TDRD3: variants seen among roughly 807,000 people sequenced by gnomAD.
The protein encoded by TDRD3 is tudor domain-containing protein 3.
Under a neutral mutation model 86.7 loss-of-function variants are expected in TDRD3, and 45 were observed. That is an observed-to-expected ratio of 0.52 (90% CI 0.41 to 0.67). The LOEUF (loss-of-function observed/expected upper bound fraction) is 0.67. Among genes scored for constraint, TDRD3 ranks in the 30% least tolerant of loss-of-function variants. The pLI is 0.00. For synonymous variants in TDRD3, 298 were observed against 301.7 expected (o/e 0.99, Z 0.13); for missense variants, 814 against 889.0 (o/e 0.92, Z 1.07).
At chr13:60,429,853 T>C (rs1411572368) in intron 1 of TDRD3, among the ~76,000 whole-genome samples, 1 of 152,162 alleles carries the variant, frequency 6.6e-6, no homozygotes, top group African/African-American at 2.4e-5. Context: ...TCTTTCTCAT[T>C]AGAATCCAGA....
At chr13:60,537,745 G>C (rs1489056704) in intron 12 of TDRD3, 2 of 151,992 alleles carry the variant, frequency 1.3e-5, no homozygotes, top group African/African-American at 4.8e-5. Flanking sequence ...TTTTTAACTT[G>C]TGCACTATAT....
chr13:60,430,489 A>T (rs17791760), intron 1 of TDRD3, among the ~76,000 whole-genome samples: 1 of 152,040 alleles, frequency 6.6e-6, no homozygotes, highest in Non-Finnish European at 1.5e-5. Flanking sequence ...ATTAAAAAGT[A>T]ACCCCAGTTC....
chr13:60,504,769 T>C lies in TDRD3; in HGVS notation c.859-4994T>C, dbSNP rs559847101. 1.1e-3 allele frequency among the ~76,000 whole-genome samples: 174 copies of C among 152,212 alleles called. 1 individual carries two copies. Among genetic ancestry groups the C allele is most frequent in the Non-Finnish European group, 1.4e-3 (97 of 68,006 alleles). On this transcript the variant is annotated intron_variant, in intron 8 of 13. Transcript: ENST00000377881. ...CATCTCATTGGAACTGGTTAGACAG[T>C]GTGTGCAGCCCATGGAGGGCGAGCA... is the stretch of plus-strand genomic sequence containing the variant.
At chr13:60,564,189 T>C (rs1341625707) in intron 12 of TDRD3, among the ~76,000 whole-genome samples, 1 of 152,152 alleles carries the variant, frequency 6.6e-6, no homozygotes, top group African/African-American at 2.4e-5. Context: ...TGAAGAGATT[T>C]ATTCTGAGTC....
intron 10 of TDRD3, among the ~76,000 whole-genome samples, chr13:60,520,801 C>T (rs1331350146): frequency 7.2e-6 from 1 of 139,254 alleles, no homozygotes; most frequent in Non-Finnish European, 1.5e-5. Flanking sequence ...TAGCATCATC[C>T]CAATTTTACA....
At chr13:60,453,724 G>A (rs1955600405) in intron 3 of TDRD3, among the ~76,000 whole-genome samples, 1 of 152,184 alleles carries the variant, frequency 6.6e-6, no homozygotes, top group Middle Eastern at 3.2e-3. Context: ...GTGAGGTACT[G>A]TAGAGCTATG....
chr13:60,524,744 T>C (rs1206632965), intron 10 of TDRD3, among the ~76,000 whole-genome samples: 1 of 151,998 alleles, frequency 6.6e-6, no homozygotes, highest in Non-Finnish European at 1.5e-5. Flanking sequence ...CAAGAATGAC[T>C]TCTTAGGTAT....
intron 1 of TDRD3, among the ~76,000 whole-genome samples, chr13:60,400,894 G>T (rs1954077304): frequency 6.6e-6 from 1 of 152,092 alleles, no homozygotes; most frequent in Non-Finnish European, 1.5e-5. Flanking sequence ...CTAGAATAAA[G>T]ATTCAGTACT....
At chr13:60,424,381 A>G (rs1474427452) in intron 1 of TDRD3, among the ~76,000 whole-genome samples, 2 of 151,986 alleles carry the variant, frequency 1.3e-5, no homozygotes, top group Non-Finnish European at 2.9e-5. Context: ...TCACCTCTTT[A>G]AAGTGTACAG....
intron 12 of TDRD3, among the ~76,000 whole-genome samples, chr13:60,561,417 G>C (rs1958330057): frequency 6.6e-6 from 1 of 152,086 alleles, no homozygotes; most frequent in Non-Finnish European, 1.5e-5. Flanking sequence ...AGTAGGTTGG[G>C]TTTTTAATTT....
At chr13:60,436,045 G>A (rs1955090027) in intron 1 of TDRD3, among the ~76,000 whole-genome samples, 1 of 148,930 alleles carries the variant, frequency 6.7e-6, no homozygotes, top group African/African-American at 2.5e-5. Context: ...TCTGTTGGCT[G>A]TTTTTATATA....
intron 1 of TDRD3, among the ~76,000 whole-genome samples, chr13:60,397,823 G>A (rs1337873414): frequency 1.3e-5 from 2 of 152,056 alleles, no homozygotes; most frequent in East Asian, 1.9e-4. Context: ...AACGAAGTGC[G>A]GCGGAGAGGG....
At chr13:60,539,262 C>G (rs988250267) in intron 12 of TDRD3, among the ~76,000 whole-genome samples, 10 of 151,906 alleles carry the variant, frequency 6.6e-5, no homozygotes, top group Non-Finnish European at 1.5e-4. Context: ...ATATGTAAGT[C>G]TATAAAACAC....
At chr13:60,459,070 A>G (rs995209745) in intron 3 of TDRD3, among the ~76,000 whole-genome samples, 1 of 152,180 alleles carries the variant, frequency 6.6e-6, no homozygotes, top group Non-Finnish European at 1.5e-5. Context: ...ATCTTTTCCA[A>G]TTATGTTCTC....
At chr13:60,542,141 A>G (rs983012757) in intron 12 of TDRD3, among the ~76,000 whole-genome samples, 24 of 152,132 alleles carry the variant, frequency 1.6e-4, no homozygotes, top group Non-Finnish European at 2.6e-4. Context: ...GTAGTCCTAA[A>G]ACTTGTTCTC....
chr13:60,464,404 A>G (rs1955869581), intron 4 of TDRD3, among the ~76,000 whole-genome samples: 1 of 152,142 alleles, frequency 6.6e-6, no homozygotes, highest in South Asian at 2.1e-4. Context: ...ACTGCTGGAT[A>G]TATATTCAAA....
In TDRD3 at chr13:60,467,294, A is replaced by C. The variant is rs1955966941; in HGVS notation, c.410A>C (p.Asn137Thr). The C allele has an allele frequency of 6.2e-7, 1 of 1,613,998 alleles. No homozygotes were observed. Among genetic ancestry groups the C allele is most frequent in the Non-Finnish European group, 8.5e-7 (1 of 1,179,920 alleles). The change falls in exon 5 of 14, where the codon AAT (asparagine) becomes ACT (threonine). Residue 137 changes from asparagine to threonine, a missense_variant. By Grantham distance (65) the Asn-to-Thr change is moderately conservative (BLOSUM62 0). Coordinates refer to ENST00000377881, the MANE Select transcript of TDRD3 (RefSeq NM_001146070.2). ...VKLSGIVDIKNGFLLLNDSNT... is the reference protein window; with the variant it reads ...VKLSGIVDIKTGFLLLNDSNT... ...CTCTCAGGCATTGTTGACATAAAAAATGGATTCCTGCTCTTGAATGACTCT... is the reference window on the plus strand; with the variant it reads ...CTCTCAGGCATTGTTGACATAAAAACTGGATTCCTGCTCTTGAATGACTCT...
chr13:60,438,825 A>G (rs1366425936), intron 1 of TDRD3, among the ~76,000 whole-genome samples: 2 of 152,122 alleles, frequency 1.3e-5, no homozygotes, highest in Non-Finnish European at 2.9e-5. Flanking sequence ...CTGTGGAAGA[A>G]TGTCTGCAAT....
intron 4 of TDRD3, among the ~76,000 whole-genome samples, chr13:60,465,104 A>G (rs190035933): frequency 2.6e-5 from 4 of 152,278 alleles, no homozygotes; most frequent in Non-Finnish European, 4.4e-5. Context: ...TTAGCCCCTA[A>G]TTCCTTTTGT....
Sources: allele counts gnomAD v4.1 joint callset (sites outside exome capture counted in the v4.1 genomes callset), GRCh38; gene constraint gnomAD v4.1.1; transcripts MANE v1.5; gene names NCBI Gene and HGNC (gene_info 2026-07-23, HGNC 2026-07-21).